KLF8: variants seen among roughly 807,000 people sequenced by gnomAD.
The protein encoded by KLF8 is KLF transcription factor 8, also known as Krueppel-like factor 8.
In KLF8, 10 loss-of-function variants were observed where a neutral mutation model predicts 18.2. The ratio of observed to expected loss-of-function variants is 0.55; its 90% confidence interval spans 0.34 to 0.93. The LOEUF is 0.93. Ranked by LOEUF, KLF8 falls within the 40% of genes least tolerant of loss-of-function variation. KLF8 has a pLI of 0.02. For synonymous variants in KLF8, 109 were observed against 97.3 expected (o/e 1.12, Z -0.71); for missense variants, 264 against 277.9 (o/e 0.95, Z 0.36).
At chrX:56,107,990 A>T in the KLF8 span, among the ~76,000 whole-genome samples, 5 of 112,247 alleles carry the variant, frequency 4.5e-5, no homozygotes, top group African/African-American at 1.3e-4. Flanking sequence ...AATGGAATTT[A>T]AAAAAATCTT....
At chrX:56,226,243 T>C in the KLF8 span, among the ~76,000 whole-genome samples, 3 of 112,221 alleles carry the variant, frequency 2.7e-5, no homozygotes, top group Non-Finnish European at 5.6e-5. Context: ...AACTCCTGAA[T>C]TGGGAGTAGA....
chrX:56,035,725 A>G, the KLF8 span, among the ~76,000 whole-genome samples: 1 of 111,470 alleles, frequency 9.0e-6, no homozygotes, highest in African/African-American at 3.3e-5. Context: ...GATGTTGAAC[A>G]TTTTTTTCAT....
intron 1 of KLF8, among the ~76,000 whole-genome samples, chrX:56,248,277 G>A (rs2066653221): frequency 9.3e-6 from 1 of 107,171 alleles, no homozygotes; most frequent in South Asian, 4.0e-4. Flanking sequence ...CCTGCACGTT[G>A]TGCACGTGTA....
the KLF8 span, among the ~76,000 whole-genome samples, chrX:55,917,366 C>T: frequency 1.2e-4 from 13 of 111,929 alleles, no homozygotes; most frequent in South Asian, 4.8e-3. Flanking sequence ...ACTTTGGATC[C>T]CCTGTCTCCT....
At chrX:56,066,859 A>C in the KLF8 span, among the ~76,000 whole-genome samples, 1 of 108,674 alleles carries the variant, frequency 9.2e-6, no homozygotes, top group African/African-American at 3.4e-5. Context: ...CAGTGTCACA[A>C]TGTGTTCTCC....
chrX:56,045,770 T>A, the KLF8 span, among the ~76,000 whole-genome samples: 1 of 111,794 alleles, frequency 8.9e-6, no homozygotes, highest in African/African-American at 3.2e-5. Flanking sequence ...CCTGAATTTT[T>A]GCTGAATGCA....
At chrX:56,128,578 A>G in the KLF8 span, among the ~76,000 whole-genome samples, 5 of 111,761 alleles carry the variant, frequency 4.5e-5, no homozygotes, top group Non-Finnish European at 7.5e-5. Flanking sequence ...TCCATATTTG[A>G]CATAATATAG....
At chrX:56,069,791 T>C in the KLF8 span, among the ~76,000 whole-genome samples, 12 of 111,387 alleles carry the variant, frequency 1.1e-4, no homozygotes, top group African/African-American at 3.6e-4. Flanking sequence ...CCCAGCGGTC[T>C]TGCCCAGCTT....
the KLF8 span, among the ~76,000 whole-genome samples, chrX:55,914,342 A>T: frequency 8.9e-6 from 1 of 111,969 alleles, no homozygotes; most frequent in African/African-American, 3.2e-5. Flanking sequence ...GTATACAAAA[A>T]TCTGAGACCT....
At chrX:55,926,898 T>TA in the KLF8 span, among the ~76,000 whole-genome samples, 6 of 107,908 alleles carry the variant, frequency 5.6e-5, no homozygotes, top group South Asian at 3.9e-4. Context: ...TAGACAACCC[T>TA]AAAAAAAAAG....
chrX:56,141,994 C>A, the KLF8 span, among the ~76,000 whole-genome samples: 1 of 112,004 alleles, frequency 8.9e-6, no homozygotes, highest in Non-Finnish European at 1.9e-5. Context: ...GACTTCTGTG[C>A]CTTTTGCTTA....
At chrX:56,145,884 A>G in the KLF8 span, among the ~76,000 whole-genome samples, 1 of 111,015 alleles carries the variant, frequency 9.0e-6, no homozygotes, top group Non-Finnish European at 1.9e-5. Flanking sequence ...AAAAAAAAAC[A>G]TCAAAAAGTG....
the KLF8 span, among the ~76,000 whole-genome samples, chrX:56,226,216 A>G: frequency 8.9e-6 from 1 of 112,246 alleles, no homozygotes; most frequent in South Asian, 3.7e-4. Flanking sequence ...CTCTAGATCT[A>G]GGTGTCTAAA....
chrX:55,939,721 G>A, the KLF8 span, among the ~76,000 whole-genome samples: 8 of 111,331 alleles, frequency 7.2e-5, no homozygotes, highest in Middle Eastern at 4.6e-3. Flanking sequence ...AGAAATACAA[G>A]CTACCATCAG....
chrX:55,980,345 C>T, the KLF8 span, among the ~76,000 whole-genome samples: 2 of 111,798 alleles, frequency 1.8e-5, no homozygotes, highest in Admixed American at 1.9e-4. Context: ...CTTCGCTGAG[C>T]TTCAGGTAAT....
chrX:56,089,653 G>GAACCAC, the KLF8 span, among the ~76,000 whole-genome samples: 1 of 112,301 alleles, frequency 8.9e-6, no homozygotes, highest in Non-Finnish European at 1.9e-5. Context: ...TGAATACAGA[G>GAACCAC]AACCACAGTT....
the KLF8 span, chrX:56,015,111 A>C: frequency 1.8e-5 from 2 of 110,992 alleles, no homozygotes; most frequent in Non-Finnish European, 3.8e-5. Flanking sequence ...TACTAATGTA[A>C]CAAACCTGCA....
At chrX:55,959,947 G>C in the KLF8 span, among the ~76,000 whole-genome samples, 1 of 110,368 alleles carries the variant, frequency 9.1e-6, no homozygotes, top group Admixed American at 9.6e-5. Context: ...ATAGTCATCA[G>C]ATGCTCCAGT....
the KLF8 span, among the ~76,000 whole-genome samples, chrX:55,978,395 C>T: frequency 1.8e-5 from 2 of 111,878 alleles, no homozygotes; most frequent in African/African-American, 6.5e-5. Context: ...GAACAGGTAA[C>T]CTTCTTTTAA....
Sources: gnomAD v4.1 joint callset for allele counts (sites outside exome capture counted in the v4.1 genomes callset) on GRCh38, gnomAD v4.1.1 for gene constraint, MANE v1.5 for transcripts, NCBI Gene and HGNC (gene_info 2026-07-23, HGNC 2026-07-21) for gene names.